The following NOC3L variants were observed in gnomAD, a reference collection of about 807,000 sequenced individuals.
NOC3L encodes NOC3 like DNA replication regulator, also known as nucleolar complex protein 3 homolog.
In NOC3L, 85 loss-of-function variants were observed where a neutral mutation model predicts 102.5. The observed-to-expected ratio is 0.83, with a 90% CI of 0.70 to 0.99. The LOEUF (loss-of-function observed/expected upper bound fraction) is 0.99, where lower values mean the gene tolerates loss of function less well. NOC3L is among the 50% of genes least tolerant of loss of function. The pLI, the probability that NOC3L is intolerant of heterozygous loss-of-function variation, is 0.00. For synonymous variants in NOC3L, 303 were observed against 309.4 expected, an observed-to-expected ratio of 0.98 and a Z score of 0.22; for missense variants, 878 against 914.9, an observed-to-expected ratio of 0.96 and a Z score of 0.52.
intron 8 of NOC3L, among the ~76,000 whole-genome samples, chr10:94,350,679 C>T (rs2054404224): frequency 6.8e-6 from 1 of 147,284 alleles, no homozygotes. Flanking sequence ...GACTGCACCA[C>T]TGCATTCCAG....
intron 10 of NOC3L, among the ~76,000 whole-genome samples, chr10:94,346,884 A>G (rs970060231): frequency 1.3e-5 from 2 of 152,170 alleles, no homozygotes; most frequent in African/African-American, 4.8e-5. Context: ...AAAGGTTTGG[A>G]CCAGTATGGG....
the NOC3L span, among the ~76,000 whole-genome samples, chr10:94,327,195 T>C: frequency 6.6e-6 from 1 of 152,196 alleles, no homozygotes; most frequent in African/African-American, 2.4e-5. Context: ...CTTATAGTCA[T>C]TGGTGCATCT....
At chr10:94,340,556 T>C in intron 14 of NOC3L, 60 bp from the exon 15 acceptor site, 1 of 1,437,028 alleles carries the variant, frequency 7.0e-7, no homozygotes. Context: ...AATTGCCATT[T>C]ATAGCTTTAA....
Position 94,361,840 on chromosome 10 carries a change from G to A in NOC3L, c.42C>T (p.Arg14=). The change falls in exon 2 of 21, where the codon CGC becomes CGT. Residue 14 remains arginine, a synonymous_variant. Coordinates refer to ENST00000371361, the MANE Select transcript of NOC3L (RefSeq NM_022451.11). ...TGACTTTACTAGTTTTTATTAACTT[G>A]CGAAAGCTTGGGATCTGTTTTTTAT... ...RRNKKQIPSF[R]KLIKTSKVKL... 1 of 1,612,868 alleles carries A rather than the reference G, an allele frequency of 6.2e-7. No homozygotes were observed. Among genetic ancestry groups the A allele is most frequent in the Non-Finnish European group, 8.5e-7 (1 of 1,179,516 alleles).
intron 10 of NOC3L, among the ~76,000 whole-genome samples, chr10:94,346,835 C>T (rs1026086739): frequency 3.3e-5 from 5 of 152,064 alleles, no homozygotes; most frequent in African/African-American, 9.7e-5. Context: ...GAAGAGAGAA[C>T]ACATGCCAAC....
In NOC3L at chr10:94,356,553, CTT is replaced by C. The variant is rs779517586; in HGVS notation, c.545_546del (p.Glu182GlyfsTer5). 50 of 1,584,384 alleles carry C rather than the reference CTT, an allele frequency of 3.2e-5. No individual in the cohort carries two copies. The highest frequency in any genetic ancestry group is 4.2e-5 in the Non-Finnish European group (49 of 1,154,366). On this transcript the variant is annotated frameshift_variant, in exon 5 of 21. Transcript: ENST00000371361. LOFTEE classifies it high-confidence loss of function. ...ATATTACCTTCCTCAAGTTCCCTCT[CTT>C]CTTCTTGATCCTCTTCATCTTTGTT... ...DSNKDEEDQE[E>X]ERELEEEIIE...
intron 17 of NOC3L, among the ~76,000 whole-genome samples, chr10:94,339,258 T>C (rs747664287): frequency 3.3e-5 from 5 of 152,200 alleles, no homozygotes; most frequent in African/African-American, 1.2e-4. Flanking sequence ...CTCAGAGTTA[T>C]GAAAATTAAA....
Position 94,344,524 on chromosome 10 carries a change from G to A in NOC3L, c.1471-9C>T, listed in dbSNP as rs1232755245. On this transcript the variant is annotated splice_polypyrimidine_tract_variant and intron_variant, in intron 12 of 20. Transcript: ENST00000371361. ...TTCAGAGTCTCTGTGTGCTGGCAGA[G>A]GAGACAGACAAAATGACTTTAGGAT... 6.3e-7 allele frequency: 1 copy of A among 1,590,836 alleles called. No homozygotes were observed. Among genetic ancestry groups the A allele is most frequent in the East Asian group, 2.2e-5 (1 of 44,738 alleles).
chr10:94,339,662 G>C (rs2054259068), intron 17 of NOC3L, 77 bp downstream of exon 17: 1 of 1,106,526 alleles, frequency 9.0e-7, no homozygotes, highest in African/African-American at 1.6e-5. Context: ...TATAAAAGGG[G>C]GGAAAAGACA....
At chr10:94,336,354 GT>G (rs796077651) in intron 19 of NOC3L, among the ~76,000 whole-genome samples, 5,059 of 144,754 alleles carry the variant, frequency 0.035, 282 homozygotes, top group African/African-American at 0.11. Flanking sequence ...ATAAATTTCT[GT>G]TTTTTTTTTT....
At chr10:94,331,294 T>C (rs1038926601), downstream of NOC3L, 1 of 152,220 alleles carries the variant, frequency 6.6e-6, no homozygotes, top group Non-Finnish European at 1.5e-5. Flanking sequence ...GGGCCCTCTA[T>C]GATATGTATC....
At chr10:94,343,882 A>G (rs1157900540) in intron 13 of NOC3L, among the ~76,000 whole-genome samples, 1 of 152,166 alleles carries the variant, frequency 6.6e-6, no homozygotes, top group African/African-American at 2.4e-5. Context: ...TTCACATTAT[A>G]TTTTTACCGA....
intron 2 of NOC3L, among the ~76,000 whole-genome samples, chr10:94,361,068 T>A (rs2054546952): frequency 1.3e-5 from 2 of 152,204 alleles, no homozygotes; most frequent in South Asian, 4.1e-4. Flanking sequence ...AATAGTTGTC[T>A]AATAATCTGA....
In NOC3L at chr10:94,352,311, T is replaced by G. The variant is rs2054428609; in HGVS notation, c.951A>C (p.Lys317Asn). 1 of 1,588,686 alleles carries G rather than the reference T, an allele frequency of 6.3e-7. No homozygotes were observed. The highest frequency in any genetic ancestry group is 8.6e-7 in the Non-Finnish European group (1 of 1,157,838). Residue 317 changes from lysine (K) to asparagine (N), a missense_variant and splice_region_variant, in exon 8 of 21, where the codon AAA (lysine) becomes AAC (asparagine). Physicochemically the swap from Lys to Asn is moderately conservative, Grantham distance 94 (BLOSUM62 0). Coordinates refer to ENST00000371361, the MANE Select transcript of NOC3L (RefSeq NM_022451.11). The part of the protein sequence containing the change: ...FYLENLEQMV[K>N]DWKQRKLKKS... ...ACTTTGAAGATATGTTTAATATACCTTTAACCATTTGTTCCAGATTTTCCA... is the reference window on the plus strand; with the variant it reads ...ACTTTGAAGATATGTTTAATATACCGTTAACCATTTGTTCCAGATTTTCCA...
At chr10:94,358,997 CCT>C (rs1170111741) in intron 2 of NOC3L, among the ~76,000 whole-genome samples, 2 of 151,108 alleles carry the variant, frequency 1.3e-5, no homozygotes, top group African/African-American at 4.9e-5. Context: ...TTCTCCATCT[CCT>C]CTTTTTATTT....
rs778452495 is a variant in NOC3L at position 94,344,867 on chromosome 10, T to A, written c.1456A>T (p.Lys486Ter). ...AAACTGCCTACCAGTTTAAGTTTTTTCTCAGTACTCTCTGAAGCTTCTGCC... is the reference window on the plus strand; with the variant it reads ...AAACTGCCTACCAGTTTAAGTTTTTACTCAGTACTCTCTGAAGCTTCTGCC... Reference protein sequence around the residue: ...REAEASESTEKKLKLHTETLN... With the variant: ...REAEASESTE The change falls in exon 12 of 21, where the codon AAA (lysine) becomes TAA (stop). Residue 486 changes from lysine to a stop codon, truncating the protein, a stop_gained. Coordinates refer to ENST00000371361, the MANE Select transcript of NOC3L (RefSeq NM_022451.11). LOFTEE classifies it high-confidence loss of function. The A allele has an allele frequency of 1.2e-6, 2 of 1,606,102 alleles. No homozygotes were observed. Among genetic ancestry groups the A allele is most frequent in the South Asian group, 1.1e-5 (1 of 89,150 alleles).
intron 1 of NOC3L, 100 bp downstream of exon 1, chr10:94,362,730 T>TA: frequency 7.5e-7 from 1 of 1,337,210 alleles, no homozygotes; most frequent in Non-Finnish European, 1.1e-6. Flanking sequence ...CACCGCCCCC[T>TA]AGACACGGGT....
chr10:94,349,403 A>C (rs2054387859), intron 9 of NOC3L, 25 bp from the exon 10 acceptor site: 5 of 1,565,940 alleles, frequency 3.2e-6, no homozygotes, highest in Non-Finnish European at 3.4e-6. Flanking sequence ...GTCATACTTA[A>C]CCAGTGTTTC....
At chr10:94,318,241 T>C in the NOC3L span, among the ~76,000 whole-genome samples, 8 of 152,208 alleles carry the variant, frequency 5.3e-5, no homozygotes, top group Non-Finnish European at 1.2e-4. Context: ...GCAACCCTAA[T>C]AATAATCACT....
Sources: gnomAD v4.1 joint callset for allele counts (sites outside exome capture counted in the v4.1 genomes callset) on GRCh38, gnomAD v4.1.1 for gene constraint, MANE v1.5 for transcripts, NCBI Gene and HGNC (gene_info 2026-07-23, HGNC 2026-07-21) for gene names.